The following FCN2 variants were observed in gnomAD, a reference collection of about 807,000 sequenced individuals.
FCN2 encodes the protein ficolin-2.
In FCN2, 31 loss-of-function variants were observed where a neutral mutation model predicts 32.5. That is an observed-to-expected ratio of 0.96 (90% CI 0.72 to 1.29). The LOEUF (loss-of-function observed/expected upper bound fraction) is 1.29. FCN2 is among the 50% of genes most tolerant of loss of function. The pLI is 0.00. For synonymous variants in FCN2, 181 were observed against 164.5 expected (o/e 1.10, Z -0.77); for missense variants, 412 against 406.5 (o/e 1.01, Z -0.12).
At chr9:134,870,675 A>G in the FCN2 span, among the ~76,000 whole-genome samples, 1 of 151,784 alleles carries the variant, frequency 6.6e-6, no homozygotes, top group East Asian at 1.9e-4. This position sits in a 1 kb window ranked among gnomAD's most constrained non-coding sequence, Gnocchi z 4.3. Context: ...CCGCACAGCC[A>G]CTCCACTGTG....
chr9:134,872,022 C>T, the FCN2 span, among the ~76,000 whole-genome samples: 4 of 143,004 alleles, frequency 2.8e-5, no homozygotes, highest in Admixed American at 7.3e-5. Flanking sequence ...AGATTTTTTA[C>T]GAGTGAAATC....
Position 134,881,071 on chromosome 9 carries a change from GT to G in FCN2, c.100+151del, listed in dbSNP as rs911172886. ...AGCAGCTCTGCATGCCTCATCTTATGTGAACAAACGCAGAGGCCCCGAATGG... is the reference window on the plus strand; with the variant it reads ...AGCAGCTCTGCATGCCTCATCTTATGGAACAAACGCAGAGGCCCCGAATGG... On this transcript the variant is annotated intron_variant, in intron 1 of 7. Coordinates refer to ENST00000291744, the MANE Select transcript of FCN2 (RefSeq NM_004108.3). 14 of 685,938 alleles carry G rather than the reference GT, an allele frequency of 2.0e-5. No homozygotes were observed. The African/African-American group carries it at 2.1e-4, about 10-fold the overall frequency. 42.5% of individuals were successfully genotyped at this position (685,938 alleles called of 1,614,324 possible).
the FCN2 span, among the ~76,000 whole-genome samples, chr9:134,869,936 A>C: frequency 6.6e-6 from 1 of 151,030 alleles, no homozygotes; most frequent in Non-Finnish European, 1.5e-5. Context: ...AGATGGCTGC[A>C]GGAGGGGGGG....
the FCN2 span, among the ~76,000 whole-genome samples, chr9:134,866,631 T>C: frequency 2.0e-5 from 3 of 149,850 alleles, no homozygotes; most frequent in Non-Finnish European, 4.5e-5. Flanking sequence ...AAGCCAAAAT[T>C]GACAAATGGG....
chr9:134,887,270 G>A lies in FCN2; in HGVS notation c.797G>A (p.Trp266Ter), dbSNP rs764147743. ...NCAVMFQGAW[W>*]YKNCHVSNLN... ...GCTGTGATGTTTCAGGGAGCTTGGT[G>A]GTACAAAAACTGCCATGTGTCAAAC... The change falls in exon 8 of 8, where the codon TGG becomes TAG. Residue 266 changes from tryptophan (W) to a stop codon, truncating the protein, a stop_gained. Transcript: ENST00000291744. LOFTEE classifies it low-confidence loss of function (END_TRUNC). 6.2e-7 allele frequency: 1 copy of A among 1,614,218 alleles called. No individual in the cohort carries two copies. The highest frequency in any genetic ancestry group is 8.5e-7 in the Non-Finnish European group (1 of 1,180,036).
chr9:134,876,313 T>C (rs973840105), upstream of FCN2, among the ~76,000 whole-genome samples: 3 of 152,246 alleles, frequency 2.0e-5, no homozygotes, highest in Non-Finnish European at 4.4e-5. Flanking sequence ...GTTGTAACTT[T>C]CTGATTTTCA....
the FCN2 span, among the ~76,000 whole-genome samples, chr9:134,866,711 A>C: frequency 1.1e-4 from 16 of 140,138 alleles, no homozygotes; most frequent in South Asian, 2.6e-4. Context: ...CAACCTACAA[A>C]ATGGGAGAAA....
intron 2 of FCN2, among the ~76,000 whole-genome samples, 188 bp from the exon 3 acceptor site, chr9:134,883,114 G>T (rs116110178): frequency 6.6e-6 from 1 of 152,210 alleles, no homozygotes; most frequent in South Asian, 2.1e-4. Context: ...GGAGAGCCCC[G>T]TGAGGCCTGG....
At chr9:134,885,501 G>A (rs1232322917) in intron 5 of FCN2, 135 bp downstream of exon 5, 28 of 1,441,296 alleles carry the variant, frequency 1.9e-5, no homozygotes, top group East Asian at 9.9e-5. Flanking sequence ...GGAGATGACC[G>A]GTGGGTAAAA....
the FCN2 span, among the ~76,000 whole-genome samples, chr9:134,870,934 C>G: frequency 9.6e-4 from 146 of 152,250 alleles, no homozygotes; most frequent in Middle Eastern, 3.4e-3. This position sits in a 1 kb window ranked among gnomAD's most constrained non-coding sequence, Gnocchi z 4.3. Flanking sequence ...CTCGGCGGTG[C>G]CCTCTCTCCA....
the FCN2 span, among the ~76,000 whole-genome samples, chr9:134,864,192 C>T: frequency 3.3e-5 from 5 of 152,348 alleles, no homozygotes; most frequent in Admixed American, 6.5e-5. Context: ...TGTGGACTCA[C>T]GGCAGATTCT....
At chr9:134,870,996 G>A in the FCN2 span, among the ~76,000 whole-genome samples, 2 of 152,176 alleles carry the variant, frequency 1.3e-5, no homozygotes, top group Non-Finnish European at 2.9e-5. The surrounding 1 kb of genome is among the most constrained non-coding windows in gnomAD (Gnocchi z 4.3). Flanking sequence ...CGACCTCGTT[G>A]CCAGCACGGC....
intron 1 of FCN2, among the ~76,000 whole-genome samples, chr9:134,881,322 AC>A (rs1830660635): frequency 6.6e-6 from 1 of 152,190 alleles, no homozygotes; most frequent in Admixed American, 6.5e-5. Flanking sequence ...GGGGATAAGC[AC>A]CCGGAAAGAC....
chr9:134,872,143 T>C, the FCN2 span, among the ~76,000 whole-genome samples: 1 of 152,038 alleles, frequency 6.6e-6, no homozygotes, highest in Non-Finnish European at 1.5e-5. Context: ...GTAGTCATAC[T>C]CCGTGTGTGG....
the FCN2 span, among the ~76,000 whole-genome samples, chr9:134,871,174 G>A: frequency 2.6e-5 from 4 of 152,204 alleles, no homozygotes; most frequent in Admixed American, 6.5e-5. Context: ...TTTACTCAAC[G>A]TGTGATCCCA....
the FCN2 span, among the ~76,000 whole-genome samples, chr9:134,873,121 T>G: frequency 1.2e-5 from 1 of 85,514 alleles, no homozygotes; most frequent in Non-Finnish European, 2.3e-5. Context: ...TTTTTTTAAT[T>G]GGAGGGTTAG....
the FCN2 span, among the ~76,000 whole-genome samples, chr9:134,875,405 GCCATGTCTGGT>G: frequency 0.38 from 57,465 of 151,840 alleles, 10,978 homozygotes; most frequent in African/African-American, 0.43. Flanking sequence ...ACTGCTCACA[GCCATGTCTGGT>G]CCCCACTGGT....
chr9:134,887,407 C>T lies in FCN2; in HGVS notation c.934C>T (p.Pro312Ser), dbSNP rs1158494116. The change falls in exon 8 of 8, where the codon CCT becomes TCT. Residue 312 changes from proline (P) to serine (S), a missense_variant. Coordinates refer to ENST00000291744, the MANE Select transcript of FCN2 (RefSeq NM_004108.3). Reference protein sequence around the residue: ...SYKVSEMKVRPA With the variant: ...SYKVSEMKVRSA ...CAAGGTGTCAGAGATGAAGGTGCGA[C>T]CTGCCTAGCCCAGGCCGGCCTCAGG... 20 of 1,613,940 alleles carry T rather than the reference C, an allele frequency of 1.2e-5. No homozygotes were observed. Among genetic ancestry groups the T allele is most frequent in the Non-Finnish European group, 1.5e-5 (18 of 1,180,008 alleles).
At chr9:134,884,036 C>G (rs1830707193) in intron 3 of FCN2, among the ~76,000 whole-genome samples, 2 of 151,912 alleles carry the variant, frequency 1.3e-5, no homozygotes. Flanking sequence ...CCTCTGTCCC[C>G]TGAGCATGAG....
Sources: gnomAD v4.1 joint callset for allele counts (sites outside exome capture counted in the v4.1 genomes callset) on GRCh38, gnomAD v4.1.1 for gene constraint, Gnocchi (gnomAD v3.1) non-coding constraint, MANE v1.5 for transcripts, NCBI Gene and HGNC (gene_info 2026-07-23, HGNC 2026-07-21) for gene names.